The following CPNE8 variants were observed in gnomAD, a reference collection of about 807,000 sequenced individuals.
CPNE8 encodes copine-8.
A neutral mutation model predicts 81.5 loss-of-function variants in CPNE8; 45 were observed. The ratio of observed to expected loss-of-function variants is 0.55; its 90% CI spans 0.44 to 0.71. CPNE8 has a LOEUF of 0.71. Among genes scored for constraint, CPNE8 ranks in the 30% least tolerant of loss-of-function variants. The pLI is 0.00. For synonymous variants in CPNE8, 252 were observed against 226.3 expected (o/e 1.11, Z -1.02); for missense variants, 594 against 672.1 (o/e 0.88, Z 1.28).
chr12:38,660,665 G>A (rs188049581), intron 19 of CPNE8, among the ~76,000 whole-genome samples: 257 of 152,234 alleles, frequency 1.7e-3, no homozygotes, highest in African/African-American at 5.8e-3. Flanking sequence ...ACTACCATCA[G>A]AGTGAACAGG....
At chr12:38,762,908 G>T (rs767361275) in intron 8 of CPNE8, among the ~76,000 whole-genome samples, 8 of 152,292 alleles carry the variant, frequency 5.3e-5, no homozygotes, top group Non-Finnish European at 1.2e-4. Flanking sequence ...GCCCAGGCTG[G>T]AGTGCAGCGG....
At position 38,875,366 on chromosome 12, in the gene CPNE8, C is replaced by T. The variant is rs537144369; in HGVS notation, c.99-855G>A. Among the ~76,000 whole-genome samples the T allele has an allele frequency of 2.0e-5, 3 of 152,130 alleles. No homozygotes were observed. In the East Asian group the frequency reaches 5.8e-4, roughly 29 times the overall value. ...TAAAATTATGATTTAAAGCTATATG[C>T]TTTTCTGAAAAATTTGATTATCTAG... is the stretch of plus-strand genomic sequence containing the variant. On this transcript the variant is annotated intron_variant, in intron 1 of 19. Coordinates refer to ENST00000331366, the MANE Select transcript of CPNE8 (RefSeq NM_153634.3).
intron 16 of CPNE8, among the ~76,000 whole-genome samples, chr12:38,679,949 A>C (rs1939373962): frequency 6.6e-6 from 1 of 151,878 alleles, no homozygotes; most frequent in African/African-American, 2.4e-5. Flanking sequence ...TATATTTTAA[A>C]GGTATTAGAG....
rs1378473542 is a variant in CPNE8, at chr12:38,688,613, G to A, written c.1144-2996C>T. Among the ~76,000 whole-genome samples the A allele has an allele frequency of 2.6e-5, 4 of 151,878 alleles. No individual in the cohort carries two copies. In the South Asian group the frequency reaches 8.3e-4, roughly 32 times the overall value. On this transcript the variant is annotated intron_variant, in intron 15 of 19. Transcript: ENST00000331366. ...AAGAAAATGTGGTGTGTGTGTGTGT[G>A]TGTGTGTGTATACTACAATTCTACT...
chr12:38,676,488 A>G (rs2136649222), intron 17 of CPNE8, among the ~76,000 whole-genome samples: 1 of 152,332 alleles, frequency 6.6e-6, no homozygotes, highest in Admixed American at 6.5e-5. Flanking sequence ...TAACAGATTC[A>G]TAAAATAGTA....
chr12:38,678,471 T>C (rs1939339787), intron 16 of CPNE8, among the ~76,000 whole-genome samples: 1 of 151,910 alleles, frequency 6.6e-6, no homozygotes, highest in Non-Finnish European at 1.5e-5. Context: ...TCTTAGGAGA[T>C]AGGATAGTAA....
chr12:38,797,421 G>A (rs12427042), intron 6 of CPNE8, among the ~76,000 whole-genome samples: 39 of 152,186 alleles, frequency 2.6e-4, no homozygotes, highest in Admixed American at 3.9e-4. Flanking sequence ...ACACGGCTGC[G>A]GATACCCAGG....
chr12:38,883,232 C>T (rs774095183), intron 1 of CPNE8, among the ~76,000 whole-genome samples: 10 of 152,090 alleles, frequency 6.6e-5, no homozygotes, highest in Non-Finnish European at 7.4e-5. Flanking sequence ...CACTTGGAGG[C>T]GGCTTTGCAA....
chr12:38,654,701 C>A (rs371511530), intron 19 of CPNE8, among the ~76,000 whole-genome samples: 1 of 151,940 alleles, frequency 6.6e-6, no homozygotes, highest in South Asian at 2.1e-4. Context: ...AGGTTCTATA[C>A]CCAGCCTGAA....
intron 1 of CPNE8, among the ~76,000 whole-genome samples, chr12:38,887,660 A>G (rs532335047): frequency 6.6e-6 from 1 of 152,192 alleles, no homozygotes; most frequent in Non-Finnish European, 1.5e-5. Flanking sequence ...ACACTTTATT[A>G]ATATTATCTC....
chr12:38,753,029 C>G (rs1470412529), intron 10 of CPNE8, among the ~76,000 whole-genome samples: 1 of 152,022 alleles, frequency 6.6e-6, no homozygotes, highest in Admixed American at 6.6e-5. Flanking sequence ...AAAATGACAT[C>G]TAAATTAATT....
intron 6 of CPNE8, among the ~76,000 whole-genome samples, chr12:38,807,588 T>C (rs1490192391): frequency 4.0e-4 from 61 of 151,198 alleles, no homozygotes; most frequent in Middle Eastern, 3.4e-3. Context: ...TTACACCTTA[T>C]ACAAAAATTA....
At chr12:38,763,792 G>C (rs1214310998) in intron 8 of CPNE8, among the ~76,000 whole-genome samples, 1 of 152,132 alleles carries the variant, frequency 6.6e-6, no homozygotes, top group Non-Finnish European at 1.5e-5. Flanking sequence ...TAGTCATAAA[G>C]TGTTTCAAAT....
chr12:38,853,298 T>C (rs1943677259), intron 3 of CPNE8, among the ~76,000 whole-genome samples: 1 of 152,172 alleles, frequency 6.6e-6, no homozygotes, highest in Non-Finnish European at 1.5e-5. Flanking sequence ...GGAAAGACAA[T>C]TATTAATAAT....
At chr12:38,658,005 C>G (rs1938861717) in intron 19 of CPNE8, among the ~76,000 whole-genome samples, 1 of 152,150 alleles carries the variant, frequency 6.6e-6, no homozygotes, top group Non-Finnish European at 1.5e-5. Flanking sequence ...CAAAAGATCA[C>G]AGCTCCTTGC....
intron 6 of CPNE8, among the ~76,000 whole-genome samples, chr12:38,800,976 G>T (rs1359755775): frequency 6.7e-6 from 1 of 149,298 alleles, no homozygotes; most frequent in Admixed American, 6.7e-5. Context: ...AAAAAGAAAT[G>T]AGCAAAGCCT....
chr12:38,798,537 C>A (rs562882053), intron 6 of CPNE8, among the ~76,000 whole-genome samples: 88 of 152,102 alleles, frequency 5.8e-4, no homozygotes, highest in African/African-American at 1.7e-3. Context: ...CCTAAAAGAG[C>A]TCCTGAAGGA....
intron 11 of CPNE8, among the ~76,000 whole-genome samples, chr12:38,728,636 A>G (rs1940761359): frequency 6.6e-6 from 1 of 152,198 alleles, no homozygotes; most frequent in Admixed American, 6.5e-5. Context: ...CATTAAGCAT[A>G]ACAACATAAG....
At chr12:38,764,989 C>A (rs1941658096) in intron 8 of CPNE8, among the ~76,000 whole-genome samples, 2 of 152,134 alleles carry the variant, frequency 1.3e-5, no homozygotes, top group Non-Finnish European at 1.5e-5. Flanking sequence ...ATGGTTAAAT[C>A]AAAATTTCTC....
Sources: gnomAD v4.1 joint callset for allele counts (sites outside exome capture counted in the v4.1 genomes callset) on GRCh38, gnomAD v4.1.1 for gene constraint, MANE v1.5 for transcripts, NCBI Gene and HGNC (gene_info 2026-07-23, HGNC 2026-07-21) for gene names.